C10orf90: variants seen among roughly 807,000 people sequenced by gnomAD.
C10orf90 encodes the protein chromosome 10 open reading frame 90, also known as (E2-independent) E3 ubiquitin-conjugating enzyme FATS.
Under a neutral mutation model 62.5 loss-of-function variants are expected in C10orf90, and 56 were observed. That is an observed-to-expected ratio of 0.90 (90% CI 0.72 to 1.12). The LOEUF is 1.12. C10orf90 is among the 50% of genes most tolerant of loss of function. The pLI, the probability that C10orf90 is intolerant of heterozygous loss-of-function variation, is 0.00. For missense variants in C10orf90, 970 were observed against 880.4 expected, an observed-to-expected ratio of 1.10 and a Z score of -1.29; for synonymous variants, 386 against 340.4, an observed-to-expected ratio of 1.13 and a Z score of -1.47.
intron 2 of C10orf90, among the ~76,000 whole-genome samples, chr10:126,639,596 C>T (rs931571026): frequency 6.6e-6 from 1 of 152,178 alleles, no homozygotes; most frequent in African/African-American, 2.4e-5. Context: ...CCCCACATGT[C>T]CACCCCGATG....
chr10:126,496,544 T>C, intron 4 of C10orf90: 1 of 460,108 alleles, frequency 2.2e-6, no homozygotes, highest in Non-Finnish European at 2.9e-6. Flanking sequence ...ACTTGATTAT[T>C]CTTACCGAGT....
chr10:126,486,746 A>G lies in C10orf90; in HGVS notation c.1534+17211T>C, dbSNP rs537172211. ...GATACAAGTGAAACTAGAATTAGTGAAGTAGAATATTAATCTAAAAAATTT... is the reference window on the plus strand; with the variant it reads ...GATACAAGTGAAACTAGAATTAGTGGAGTAGAATATTAATCTAAAAAATTT... On this transcript the variant is annotated intron_variant, in intron 4 of 9. Transcript: ENST00000488181. Among the ~76,000 whole-genome samples the G allele has an allele frequency of 7.9e-5, 12 of 152,316 alleles. No homozygotes were observed. The South Asian group carries it at 1.4e-3, about 18-fold the overall frequency.
chr10:126,548,279 G>A (rs575069883), intron 2 of C10orf90, among the ~76,000 whole-genome samples: 12 of 151,934 alleles, frequency 7.9e-5, no homozygotes, highest in African/African-American at 1.7e-4. Flanking sequence ...ACAGTGGCTC[G>A]TGCCTGTAAT....
chr10:126,639,805 A>G (rs1846024417), intron 2 of C10orf90, among the ~76,000 whole-genome samples: 1 of 152,340 alleles, frequency 6.6e-6, no homozygotes, highest in East Asian at 1.9e-4. Flanking sequence ...TACTTTTTAA[A>G]TTAGATTATG....
chr10:126,440,837 G>C lies in C10orf90; in HGVS notation c.2189-10987C>G, dbSNP rs539193615. On this transcript the variant is annotated intron_variant, in intron 7 of 9. Coordinates refer to ENST00000488181, the MANE Select transcript of C10orf90 (RefSeq NM_001350921.2). The stretch of plus-strand genomic sequence containing the variant: ...TCAGGAAGCCACATTCATAGGAAAA[G>C]GGGGAGAGTACTACATCAAGGGAAC... 1.4e-3 allele frequency among the ~76,000 whole-genome samples: 213 copies of C among 152,258 alleles called. 1 individual carries two copies. Among genetic ancestry groups the C allele is most frequent in the African/African-American group, 4.9e-3 (204 of 41,540 alleles).
intron 2 of C10orf90, among the ~76,000 whole-genome samples, chr10:126,565,436 A>ATATATAT (rs1355757172): frequency 0.011 from 125 of 11,740 alleles, 1 homozygote; most frequent in Middle Eastern, 0.05. Flanking sequence ...TATATATATT[A>ATATATAT]TACACACACA....
chr10:126,538,167 C>T (rs553211872), intron 2 of C10orf90, among the ~76,000 whole-genome samples: 24 of 152,282 alleles, frequency 1.6e-4, no homozygotes, highest in African/African-American at 5.1e-4. Flanking sequence ...ATCCACATGG[C>T]GGCAGGCAAG....
At chr10:126,623,995 A>G (rs2133819754) in intron 2 of C10orf90, among the ~76,000 whole-genome samples, 1 of 152,342 alleles carries the variant, frequency 6.6e-6, no homozygotes, top group South Asian at 2.1e-4. Context: ...TTTTGGGGTC[A>G]ACCCTGGTAA....
At chr10:126,656,276 T>A (rs971031234) in intron 1 of C10orf90, among the ~76,000 whole-genome samples, 5 of 152,140 alleles carry the variant, frequency 3.3e-5, no homozygotes, top group African/African-American at 1.2e-4. Flanking sequence ...ACATCAATAA[T>A]AATGTGATCA....
chr10:126,591,100 T>G (rs566759547), intron 2 of C10orf90, among the ~76,000 whole-genome samples: 2 of 152,206 alleles, frequency 1.3e-5, no homozygotes, highest in South Asian at 4.2e-4. Context: ...GATTTACCAC[T>G]GAATTCTACC....
chr10:126,427,871 G>A lies in C10orf90; in HGVS notation c.2253-1781C>T, dbSNP rs148365818. Among the ~76,000 whole-genome samples, 463 of 152,242 alleles carry A rather than the reference G, an allele frequency of 3.0e-3. 5 individuals carry two copies. The highest frequency in any genetic ancestry group is 0.01 in the African/African-American group (435 of 41,542). Reference sequence around the variant, plus strand: ...TGTGATTGTGTGAGTCAATTCTCCCGAATAAACTCCCTTTTATATACATAT... The same window carrying A: ...TGTGATTGTGTGAGTCAATTCTCCCAAATAAACTCCCTTTTATATACATAT... On this transcript the variant is annotated intron_variant, in intron 8 of 9. Coordinates refer to ENST00000488181, the MANE Select transcript of C10orf90 (RefSeq NM_001350921.2).
Position 126,670,426 on chromosome 10 carries a change from A to G in C10orf90, c.55T>C (p.Tyr19His), listed in dbSNP as rs1236444567. The G allele has an allele frequency of 2.2e-6, 1 of 456,724 alleles. No individual in the cohort carries two copies. The highest frequency in any genetic ancestry group is 4.4e-6 in the Non-Finnish European group (1 of 226,986). The allele number at this position is 456,724 out of a possible 1,614,324, so 28.3% of individuals were successfully genotyped here. A position where few individuals can be genotyped will look rare whatever the true frequency, so the allele number is the denominator to read the frequency against. ...GTCCGATGCACGGCCGTTTCTGTGT[A>G]GCGGGCAGCATACCCCTGCGGATGA... ...KTHPQGYAAR[Y>H]TETAVHRTFQ... is the part of the protein sequence containing the mutation. The change falls in exon 1 of 10, where the codon TAC (tyrosine) becomes CAC (histidine). Residue 19 changes from tyrosine to histidine, a missense_variant. Physicochemically the swap from Tyr to His is moderately conservative, Grantham distance 83. Coordinates refer to ENST00000488181, the MANE Select transcript of C10orf90 (RefSeq NM_001350921.2).
chr10:126,474,967 A>C (rs1590970537), intron 4 of C10orf90, among the ~76,000 whole-genome samples: 1 of 152,236 alleles, frequency 6.6e-6, no homozygotes, highest in African/African-American at 2.4e-5. Context: ...GTGGGGAATA[A>C]TGGCCCTTCC....
intron 2 of C10orf90, among the ~76,000 whole-genome samples, chr10:126,620,434 G>A (rs1550168): frequency 3.3e-5 from 5 of 151,892 alleles, no homozygotes; most frequent in Admixed American, 6.5e-5. Context: ...TTACTCTGGC[G>A]TTTTTGGCCT....
At chr10:126,530,103 A>G (rs780163696) in intron 2 of C10orf90, among the ~76,000 whole-genome samples, 5 of 152,228 alleles carry the variant, frequency 3.3e-5, no homozygotes, top group East Asian at 1.9e-4. Context: ...ATGGTGTCAA[A>G]AAAAGCCCCT....
At chr10:126,647,130 C>T (rs1439084854) in intron 1 of C10orf90, among the ~76,000 whole-genome samples, 3 of 152,180 alleles carry the variant, frequency 2.0e-5, no homozygotes, top group Non-Finnish European at 4.4e-5. Context: ...GTTTTGCTGA[C>T]TTTTTCTGCC....
chr10:126,638,520 A>G (rs1345429170), intron 2 of C10orf90, among the ~76,000 whole-genome samples: 1 of 151,996 alleles, frequency 6.6e-6, no homozygotes, highest in Non-Finnish European at 1.5e-5. Context: ...CCTGGGTCCC[A>G]GCTGGTCTCA....
At chr10:126,483,854 G>A (rs1241607603) in intron 4 of C10orf90, among the ~76,000 whole-genome samples, 1 of 152,130 alleles carries the variant, frequency 6.6e-6, no homozygotes, top group African/African-American at 2.4e-5. Flanking sequence ...GGTGATCCAA[G>A]AATGGGTTCT....
Position 126,487,698 on chromosome 10 carries a change from T to C in C10orf90, c.1534+16259A>G, listed in dbSNP as rs555619393. ...CTTTGATGCACCACCAAAAGGAACATGTAAAATATGTACTTTAGGAAGGTA... is the reference window on the plus strand; with the variant it reads ...CTTTGATGCACCACCAAAAGGAACACGTAAAATATGTACTTTAGGAAGGTA... On this transcript the variant is annotated intron_variant, in intron 4 of 9. Coordinates refer to ENST00000488181, the MANE Select transcript of C10orf90 (RefSeq NM_001350921.2). 2.0e-5 allele frequency among the ~76,000 whole-genome samples: 3 copies of C among 152,196 alleles called. No individual in the cohort carries two copies. In the East Asian group the frequency reaches 5.8e-4, roughly 29 times the overall value.
Sources: allele counts gnomAD v4.1 joint callset (sites outside exome capture counted in the v4.1 genomes callset), GRCh38; gene constraint gnomAD v4.1.1; transcripts MANE v1.5; gene names NCBI Gene and HGNC (gene_info 2026-07-23, HGNC 2026-07-21).